XKR4: variants seen among roughly 807,000 people sequenced by gnomAD.
XKR4 encodes XK-related protein 4.
In XKR4, 12 loss-of-function variants were observed where a neutral mutation model predicts 53.9. The ratio of observed to expected loss-of-function variants is 0.22; its 90% CI spans 0.14 to 0.36. XKR4 has a LOEUF of 0.36. XKR4 is among the 10% of genes least tolerant of loss of function. XKR4 has a pLI of 1.00. For synonymous variants in XKR4, 354 were observed against 362.4 expected (o/e 0.98, Z 0.26); for missense variants, 799 against 859.5 (o/e 0.93, Z 0.88).
At chr8:55,462,863 CA>C (rs1805685007) in intron 2 of XKR4, among the ~76,000 whole-genome samples, 2 of 151,976 alleles carry the variant, frequency 1.3e-5, no homozygotes, top group African/African-American at 4.8e-5. Flanking sequence ...CAACAAAGAT[CA>C]AAAGAGACAA....
Position 55,538,151 on chromosome 8 carries a change from G to T in XKR4, c.*13924G>T, listed in dbSNP as rs1394976026. On this transcript the variant is annotated 3_prime_UTR_variant, in exon 3 of 3. Coordinates refer to ENST00000327381, the MANE Select transcript of XKR4 (RefSeq NM_052898.2). Reference sequence around the variant, plus strand: ...CCTTTCTGGATGCAGGGATGGGAGGGTCTATGGGTCAGTGACTGGGACAAA... The same window carrying T: ...CCTTTCTGGATGCAGGGATGGGAGGTTCTATGGGTCAGTGACTGGGACAAA... The T allele has an allele frequency of 6.6e-6, 1 of 152,186 alleles. No homozygotes were observed. Among genetic ancestry groups the T allele is most frequent in the African/African-American group, 2.4e-5 (1 of 41,436 alleles). The allele number at this position is 152,186 out of a possible 1,614,324, so 9.4% of individuals were successfully genotyped here.
At chr8:55,151,863 T>C (rs1816845027) in intron 1 of XKR4, among the ~76,000 whole-genome samples, 1 of 152,192 alleles carries the variant, frequency 6.6e-6, no homozygotes, top group Admixed American at 6.5e-5. Flanking sequence ...TTCACCAAAA[T>C]TTATTTGACC....
rs1359373289 is a variant in XKR4 at position 55,541,738 on chromosome 8, T to G, written c.*17511T>G. On this transcript the variant is annotated 3_prime_UTR_variant, in exon 3 of 3. Coordinates refer to ENST00000327381, the MANE Select transcript of XKR4 (RefSeq NM_052898.2). ...TGAAATGGAGACTTAAACTAGTTATTAAATTTGTTTCCTTCCTGTAAATAT... is the reference window on the plus strand; with the variant it reads ...TGAAATGGAGACTTAAACTAGTTATGAAATTTGTTTCCTTCCTGTAAATAT... 1 of 152,226 alleles carries G rather than the reference T, an allele frequency of 6.6e-6. No individual in the cohort carries two copies. Among genetic ancestry groups the G allele is most frequent in the Non-Finnish European group, 1.5e-5 (1 of 68,050 alleles). 9.4% of individuals were successfully genotyped at this position (152,226 alleles called of 1,614,324 possible). A position where few individuals can be genotyped will look rare whatever the true frequency, so the allele number is the denominator to read the frequency against.
intron 1 of XKR4, among the ~76,000 whole-genome samples, chr8:55,118,475 G>A (rs1299070727): frequency 2.0e-5 from 3 of 152,144 alleles, no homozygotes; most frequent in Non-Finnish European, 4.4e-5. Context: ...TTATATCTAT[G>A]TGACATACTT....
chr8:55,449,580 A>G, intron 2 of XKR4: 1 of 1,359,556 alleles, frequency 7.4e-7, no homozygotes, highest in Non-Finnish European at 1.1e-6. Flanking sequence ...TGGGCACAAA[A>G]GTCGTAAACG....
At chr8:55,197,746 T>C (rs1227710336) in intron 1 of XKR4, among the ~76,000 whole-genome samples, 1 of 152,162 alleles carries the variant, frequency 6.6e-6, no homozygotes, top group African/African-American at 2.4e-5. Context: ...GGTTTCATTG[T>C]GTTAGCCAGG....
At chr8:55,440,801 T>C (rs964350793) in intron 2 of XKR4, among the ~76,000 whole-genome samples, 104 of 152,188 alleles carry the variant, frequency 6.8e-4, no homozygotes, top group African/African-American at 2.5e-3. Context: ...TTTCTACATC[T>C]ACAATAACAA....
At chr8:55,342,367 A>G (rs1803564965) in intron 1 of XKR4, among the ~76,000 whole-genome samples, 1 of 151,874 alleles carries the variant, frequency 6.6e-6, no homozygotes, top group East Asian at 2.0e-4. Context: ...CCTGCCTCTG[A>G]CTCTACACTC....
intron 1 of XKR4, among the ~76,000 whole-genome samples, chr8:55,173,065 C>G (rs888497779): frequency 6.6e-6 from 1 of 152,284 alleles, no homozygotes; most frequent in African/African-American, 2.4e-5. Flanking sequence ...AGGAAATGCT[C>G]ACTTCTTAAC....
rs1330081675 is a variant in XKR4 at position 55,374,072 on chromosome 8, C to T, written c.1006+16195C>T. Among the ~76,000 whole-genome samples, 22 of 152,326 alleles carry T rather than the reference C, an allele frequency of 1.4e-4. No individual in the cohort carries two copies. The South Asian group carries it at 3.3e-3, about 23-fold the overall frequency. Reference sequence around the variant, plus strand: ...GAATGATGTGAACTTGATCCTGAAACCCAAGGGTCCTGAAAAATCACTCCT... The same window carrying T: ...GAATGATGTGAACTTGATCCTGAAATCCAAGGGTCCTGAAAAATCACTCCT... On this transcript the variant is annotated intron_variant, in intron 2 of 2. Coordinates refer to ENST00000327381, the MANE Select transcript of XKR4 (RefSeq NM_052898.2).
chr8:55,228,307 C>T (rs904556724), intron 1 of XKR4, among the ~76,000 whole-genome samples: 2 of 151,972 alleles, frequency 1.3e-5, no homozygotes, highest in Admixed American at 6.6e-5. Flanking sequence ...GCATATTTCA[C>T]GATGCAGTCC....
intron 2 of XKR4, among the ~76,000 whole-genome samples, chr8:55,424,517 T>A (rs1371899313): frequency 6.6e-6 from 1 of 152,192 alleles, no homozygotes; most frequent in African/African-American, 2.4e-5. Context: ...CAGAGATAAA[T>A]ACAAGGCATC....
At chr8:55,371,196 C>T (rs376879384) in intron 2 of XKR4, among the ~76,000 whole-genome samples, 2 of 151,334 alleles carry the variant, frequency 1.3e-5, no homozygotes, top group South Asian at 2.1e-4. Flanking sequence ...TTGAGCTGGG[C>T]CACAAATTAT....
At chr8:55,148,703 T>C (rs1261364164) in intron 1 of XKR4, among the ~76,000 whole-genome samples, 5 of 152,216 alleles carry the variant, frequency 3.3e-5, no homozygotes, top group Non-Finnish European at 5.9e-5. Flanking sequence ...AATTAAAGAT[T>C]TTTTTCTTTT....
chr8:55,334,586 T>C (rs1228770555), intron 1 of XKR4, among the ~76,000 whole-genome samples: 1 of 152,148 alleles, frequency 6.6e-6, no homozygotes, highest in African/African-American at 2.4e-5. Flanking sequence ...GCAGCAATAT[T>C]CCTGGACCCC....
At chr8:55,401,479 C>G (rs1300407598) in intron 2 of XKR4, among the ~76,000 whole-genome samples, 1 of 152,242 alleles carries the variant, frequency 6.6e-6, no homozygotes, top group East Asian at 1.9e-4. Context: ...CAGCCGGTGG[C>G]TAGTGGACCT....
intron 1 of XKR4, among the ~76,000 whole-genome samples, chr8:55,172,249 G>T (rs1201568685): frequency 6.6e-6 from 1 of 151,568 alleles, no homozygotes; most frequent in Non-Finnish European, 1.5e-5. Context: ...TCACTTACAG[G>T]ATATAGGCCT....
At chr8:55,504,335 C>A (rs1056169539) in intron 2 of XKR4, among the ~76,000 whole-genome samples, 3 of 151,880 alleles carry the variant, frequency 2.0e-5, no homozygotes, top group African/African-American at 7.3e-5. Flanking sequence ...GTCTCAGCCT[C>A]CCAAGTAGCT....
At chr8:55,356,982 T>C (rs892482823) in intron 1 of XKR4, among the ~76,000 whole-genome samples, 3 of 152,232 alleles carry the variant, frequency 2.0e-5, no homozygotes, top group African/African-American at 7.2e-5. Context: ...CTCTTTATTA[T>C]AGGAATACAG....
Sources: gnomAD v4.1 joint callset for allele counts (sites outside exome capture counted in the v4.1 genomes callset) on GRCh38, gnomAD v4.1.1 for gene constraint, MANE v1.5 for transcripts, NCBI Gene and HGNC (gene_info 2026-07-23, HGNC 2026-07-21) for gene names.